KIF21A: variants seen among roughly 807,000 people sequenced by gnomAD.
KIF21A encodes the protein kinesin-like protein KIF21A.
KIF21A carries 114 observed loss-of-function variants against 202.9 expected under a neutral mutation model. That is an observed-to-expected ratio of 0.56 (90% CI 0.48 to 0.66). The LOEUF (loss-of-function observed/expected upper bound fraction) is 0.66, where lower values mean the gene tolerates loss of function less well. Among genes scored for constraint, KIF21A ranks in the 30% least tolerant of loss-of-function variants. The pLI is 0.00. For missense variants in KIF21A, 1,677 were observed against 1,994.9 expected, an observed-to-expected ratio of 0.84 and a Z score of 3.04; for synonymous variants, 667 against 670.8, an observed-to-expected ratio of 0.99 and a Z score of 0.09.
chr12:39,392,111 G>T (rs1005355288), intron 1 of KIF21A, among the ~76,000 whole-genome samples: 1 of 152,144 alleles, frequency 6.6e-6, no homozygotes, highest in African/African-American at 2.4e-5. Flanking sequence ...CAGGGGATAA[G>T]ACACAGTAAA....
intron 22 of KIF21A, 48 bp from the exon 23 acceptor site, chr12:39,330,959 C>A (rs1416302398): frequency 6.3e-7 from 1 of 1,579,222 alleles, no homozygotes; most frequent in Non-Finnish European, 8.7e-7. Flanking sequence ...ACAGGATCTA[C>A]CACACAAAGA....
chr12:39,436,448 A>ATATATATATATAGATATTT (rs1387332677), intron 1 of KIF21A, among the ~76,000 whole-genome samples: 1 of 95,766 alleles, frequency 1.0e-5, no homozygotes, highest in Non-Finnish European at 2.0e-5. Context: ...ATATATATAT[A>ATATATATATATAGATATTT]TTTTTTTTTT....
Position 39,363,233 on chromosome 12 carries a change from A to G in KIF21A, c.904-20T>C. On this transcript the variant is annotated intron_variant, in intron 6 of 37. Transcript: ENST00000361418. The stretch of plus-strand genomic sequence containing the variant: ...TGCCAACTAAAAGAAAGAGAAAGAA[A>G]GACAGCAAAATGATACAAATTTACT... The G allele has an allele frequency of 7.0e-7, 1 of 1,433,124 alleles. No individual in the cohort carries two copies. The highest frequency in any genetic ancestry group is 1.4e-5 in the African/African-American group (1 of 71,384). 88.8% of individuals were successfully genotyped at this position (1,433,124 alleles called of 1,614,324 possible). A position where few individuals can be genotyped will look rare whatever the true frequency, so the allele number is the denominator to read the frequency against.
intron 31 of KIF21A, chr12:39,312,544 G>A (rs1293664543): frequency 6.6e-6 from 1 of 151,930 alleles, no homozygotes; most frequent in East Asian, 1.9e-4. Context: ...CAACACAAAG[G>A]ATAATTGCTT....
intron 35 of KIF21A, 50 bp from the exon 36 acceptor site, chr12:39,303,185 A>G (rs1474200205): frequency 1.3e-6 from 2 of 1,507,538 alleles, no homozygotes; most frequent in Non-Finnish European, 1.8e-6. Context: ...GCAAATAAAC[A>G]CCAATATTTG....
chr12:39,424,242 G>A (rs1954571964), intron 1 of KIF21A, among the ~76,000 whole-genome samples: 1 of 152,070 alleles, frequency 6.6e-6, no homozygotes, highest in African/African-American at 2.4e-5. Flanking sequence ...AACATCTAAA[G>A]TCAACTTTTA....
chr12:39,387,057 TG>T (rs1221586933), intron 1 of KIF21A, among the ~76,000 whole-genome samples: 45 of 150,456 alleles, frequency 3.0e-4, no homozygotes, highest in Non-Finnish European at 3.3e-4. Flanking sequence ...AATTTTTAGC[TG>T]GGGAAAAAAA....
At chr12:39,317,796 T>A (rs1247053404) in intron 29 of KIF21A, among the ~76,000 whole-genome samples, 1 of 152,186 alleles carries the variant, frequency 6.6e-6, no homozygotes, top group Non-Finnish European at 1.5e-5. Context: ...TCAAAGATTT[T>A]TCAGTTCTAA....
At chr12:39,413,574 A>G (rs1341232495) in intron 1 of KIF21A, among the ~76,000 whole-genome samples, 2 of 152,206 alleles carry the variant, frequency 1.3e-5, no homozygotes, top group Non-Finnish European at 2.9e-5. Flanking sequence ...ACTAATTCAA[A>G]TTACTTCAAA....
chr12:39,395,196 A>G (rs1951646507), intron 1 of KIF21A, among the ~76,000 whole-genome samples: 1 of 152,248 alleles, frequency 6.6e-6, no homozygotes. Flanking sequence ...CCTTTTAAAA[A>G]CATCAAATTT....
At chr12:39,322,582 A>G (rs1945397803) in intron 27 of KIF21A, 86 bp downstream of exon 27, 1 of 963,054 alleles carries the variant, frequency 1.0e-6, no homozygotes, top group African/African-American at 1.7e-5. Flanking sequence ...TAAATTTTAA[A>G]TAATAGAAAT....
rs974499763 is a variant in KIF21A at position 39,424,704 on chromosome 12, C to A, written c.44+18223G>T. ...TAACAGCTCTATCTCCCCAAATCTA[C>A]GTTTCACCATTTGTACTGTTATTTT... On this transcript the variant is annotated intron_variant, in intron 1 of 37. Transcript: ENST00000361418. 2.0e-5 allele frequency among the ~76,000 whole-genome samples: 3 copies of A among 152,164 alleles called. No individual in the cohort carries two copies. The East Asian group carries it at 5.8e-4, about 29-fold the overall frequency.
chr12:39,390,253 C>G (rs139420485), intron 1 of KIF21A, among the ~76,000 whole-genome samples: 1 of 152,024 alleles, frequency 6.6e-6, no homozygotes, highest in Non-Finnish European at 1.5e-5. Flanking sequence ...CACTGTAAAA[C>G]CTTTACAAAG....
At chr12:39,352,389 T>G (rs1468927706) in intron 10 of KIF21A, among the ~76,000 whole-genome samples, 2 of 152,096 alleles carry the variant, frequency 1.3e-5, no homozygotes, top group Non-Finnish European at 2.9e-5. Context: ...ATAAAAATAA[T>G]CATAAAAGAA....
At chr12:39,333,881 A>G (rs1172386881) in intron 17 of KIF21A, among the ~76,000 whole-genome samples, 2 of 152,024 alleles carry the variant, frequency 1.3e-5, no homozygotes, top group African/African-American at 4.8e-5. Context: ...CTACAGGCAT[A>G]TAATTTAAAA....
intron 36 of KIF21A, 30 bp from the exon 37 acceptor site, chr12:39,301,709 T>TC: frequency 6.4e-7 from 1 of 1,561,570 alleles, no homozygotes; most frequent in Non-Finnish European, 8.8e-7. Context: ...ATCAGCAGCT[T>TC]AAGGAGAGCT....
chr12:39,298,532 A>C (rs1942641176), intron 37 of KIF21A, among the ~76,000 whole-genome samples: 1 of 152,202 alleles, frequency 6.6e-6, no homozygotes. Flanking sequence ...AGGAAGAGTT[A>C]AACTTTCGTA....
intron 1 of KIF21A, among the ~76,000 whole-genome samples, chr12:39,380,468 A>G (rs1442431006): frequency 6.6e-6 from 1 of 152,258 alleles, no homozygotes; most frequent in Non-Finnish European, 1.5e-5. Flanking sequence ...GATAATACAA[A>G]GTTTATAAAG....
At chr12:39,397,168 G>A (rs947396242) in intron 1 of KIF21A, among the ~76,000 whole-genome samples, 1 of 152,090 alleles carries the variant, frequency 6.6e-6, no homozygotes, top group Admixed American at 6.6e-5. Context: ...CTTGCATTGG[G>A]TGAATTTTAT....
Sources: gnomAD v4.1 joint callset for allele counts (sites outside exome capture counted in the v4.1 genomes callset) on GRCh38, gnomAD v4.1.1 for gene constraint, MANE v1.5 for transcripts, NCBI Gene and HGNC (gene_info 2026-07-23, HGNC 2026-07-21) for gene names.